Variants in ULK4 observed in about 807,000 individuals in gnomAD.
The protein encoded by ULK4 is inactive serine/threonine-protein kinase ULK4.
In ULK4, 133 loss-of-function variants were observed where a neutral mutation model predicts 160.6. That is an observed-to-expected ratio of 0.83 (90% confidence interval 0.72 to 0.96). The LOEUF is 0.96. Among genes scored for constraint, ULK4 ranks in the 40% least tolerant of loss-of-function variants. ULK4 has a pLI of 0.00. For missense variants in ULK4, 1,580 were observed against 1,499.5 expected (o/e 1.05, Z -0.89); for synonymous variants, 534 against 539.8 (o/e 0.99, Z 0.15).
chr3:41,713,059 G>A (rs2037157590), intron 25 of ULK4, among the ~76,000 whole-genome samples: 1 of 150,514 alleles, frequency 6.6e-6, no homozygotes, highest in South Asian at 2.1e-4. Context: ...TCATAACTAT[G>A]CATCCCCACC....
intron 25 of ULK4, among the ~76,000 whole-genome samples, chr3:41,710,134 A>G (rs963261527): frequency 2.0e-5 from 3 of 152,144 alleles, no homozygotes; most frequent in Non-Finnish European, 4.4e-5. Context: ...GCTTGTCTAA[A>G]TGCTGAAATT....
At chr3:41,884,763 C>T (rs760828707) in intron 16 of ULK4, among the ~76,000 whole-genome samples, 4 of 152,140 alleles carry the variant, frequency 2.6e-5, no homozygotes, top group Non-Finnish European at 5.9e-5. Context: ...AAAATGTCTG[C>T]GTTATCACAA....
intron 31 of ULK4, among the ~76,000 whole-genome samples, chr3:41,606,787 CT>C (rs759372707): frequency 6.6e-6 from 1 of 152,012 alleles, no homozygotes; most frequent in Non-Finnish European, 1.5e-5. Context: ...TATTCAGAGC[CT>C]TTGCCCATTT....
At chr3:41,676,669 T>G (rs2035727477) in intron 29 of ULK4, among the ~76,000 whole-genome samples, 1 of 152,178 alleles carries the variant, frequency 6.6e-6, no homozygotes, top group Non-Finnish European at 1.5e-5. Context: ...TATCCCTATC[T>G]TGGTTATTAA....
Position 41,831,035 on chromosome 3 carries a change from G to A in ULK4, c.1764+4829C>T, listed in dbSNP as rs9816560. 6.1e-5 allele frequency among the ~76,000 whole-genome samples: 6 copies of A among 97,946 alleles called. No homozygotes were observed. In the East Asian group the frequency reaches 1.7e-3, roughly 27 times the overall value. The allele number at this position is 97,946 out of a possible 152,430, so 64.3% of individuals were successfully genotyped here. On this transcript the variant is annotated intron_variant, in intron 18 of 36. Transcript: ENST00000301831. ...TTTTTTATTTATTTATTTATTTATT[G>A]ATTTATTTATTAGACAGGGTGTTGC...
chr3:41,816,646 C>G (rs1345601117), intron 19 of ULK4, among the ~76,000 whole-genome samples: 4 of 152,074 alleles, frequency 2.6e-5, no homozygotes, highest in African/African-American at 2.4e-5. Context: ...GAAACTCTGT[C>G]TCTACAAATA....
chr3:41,398,213 TAGAC>T lies in ULK4; in HGVS notation c.3540_3543del (p.Ser1181TyrfsTer26), dbSNP rs777389427. 6.8e-6 allele frequency: 11 copies of T among 1,612,778 alleles called. No homozygotes were observed. In the African/African-American group the frequency reaches 1.3e-4, roughly 20 times the overall value. ...TCCCCTCCATACAGCTGAACCAGTA[TAGAC>T]AGGCACTTGGATGAAACATCAAAAA... On this transcript the variant is annotated frameshift_variant, in exon 35 of 37. Transcript: ENST00000301831. LOFTEE classifies it high-confidence loss of function.
At chr3:41,633,206 C>T (rs1389775599) in intron 30 of ULK4, among the ~76,000 whole-genome samples, 1 of 152,218 alleles carries the variant, frequency 6.6e-6, no homozygotes, top group African/African-American at 2.4e-5. Context: ...TGGCAAACTA[C>T]AGCCCACAGG....
At chr3:41,594,740 G>A (rs1277249568) in intron 31 of ULK4, among the ~76,000 whole-genome samples, 2 of 152,142 alleles carry the variant, frequency 1.3e-5, no homozygotes, top group Non-Finnish European at 2.9e-5. Context: ...ATTTCCATTT[G>A]TAAGAAAATC....
At position 41,748,284 on chromosome 3, in the gene ULK4, T is replaced by A. The variant is rs148973049; in HGVS notation, c.2321+6077A>T. Among the ~76,000 whole-genome samples the A allele has an allele frequency of 2.1e-3, 311 of 150,914 alleles. 1 individual carries two copies. The highest frequency in any genetic ancestry group is 6.9e-3 in the Middle Eastern group (2 of 288). On this transcript the variant is annotated intron_variant, in intron 22 of 36. Coordinates refer to ENST00000301831, the MANE Select transcript of ULK4 (RefSeq NM_017886.4). Reference sequence around the variant, plus strand: ...ATATATATACACACACGATATATATTATATATATACACACACACAGACACG... The same window carrying A: ...ATATATATACACACACGATATATATAATATATATACACACACACAGACACG...
intron 18 of ULK4, among the ~76,000 whole-genome samples, chr3:41,832,505 T>C (rs2041625983): frequency 6.6e-6 from 1 of 152,242 alleles, no homozygotes; most frequent in Admixed American, 6.5e-5. Flanking sequence ...TTTACTCTGA[T>C]GCTAGTTTAT....
intron 32 of ULK4, among the ~76,000 whole-genome samples, chr3:41,544,135 T>C (rs1345242790): frequency 6.6e-6 from 1 of 152,198 alleles, no homozygotes; most frequent in Non-Finnish European, 1.5e-5. Flanking sequence ...ACATCTTGGA[T>C]GATATAATGT....
In ULK4 at chr3:41,864,346, CTGTTTTGTTT is replaced by C. The variant is rs10535539; in HGVS notation, c.1656+19518_1656+19527del. 5.6e-3 allele frequency among the ~76,000 whole-genome samples: 844 copies of C among 149,800 alleles called. 3 individuals carry two copies. The highest frequency in any genetic ancestry group is 9.7e-3 in the African/African-American group (393 of 40,616). ...AGGGAGTGGTGTTGGCAATTCAGAA[CTGTTTTGTTT>C]TGTTTTGTTTTGTTTTGTTTTGTTT... On this transcript the variant is annotated intron_variant, in intron 17 of 36. Transcript: ENST00000301831.
rs1238014242 is a variant in ULK4, at chr3:41,442,146, A to G, written c.3492+13351T>C. Among the ~76,000 whole-genome samples the G allele has an allele frequency of 5.3e-5, 8 of 152,324 alleles. No homozygotes were observed. In the East Asian group the frequency reaches 1.5e-3, roughly 29 times the overall value. On this transcript the variant is annotated intron_variant, in intron 34 of 36. Coordinates refer to ENST00000301831, the MANE Select transcript of ULK4 (RefSeq NM_017886.4). The stretch of plus-strand genomic sequence containing the variant: ...GGGGAAAAATGGAAAAAAGGCCCCA[A>G]AGTGGACTGTTAGCTGATGGGAAAG...
rs201881498 is a variant in ULK4, at chr3:41,249,574, T to A, written c.3679A>T (p.Ile1227Phe). The change falls in exon 36 of 37, where the codon ATC (isoleucine) becomes TTC (phenylalanine). Residue 1227 changes from isoleucine to phenylalanine, a missense_variant and splice_region_variant. By Grantham distance (21) the Ile-to-Phe change is conservative (BLOSUM62 0). Coordinates refer to ENST00000301831, the MANE Select transcript of ULK4 (RefSeq NM_017886.4). ...KLLLRILRRM[I>F]TSNEKHLESL... ...TCCAAGTGCTTCTCATTGGAGGTGATCTGCAAGGGCAGGAGGAAGAAGACA... is the reference window on the plus strand; with the variant it reads ...TCCAAGTGCTTCTCATTGGAGGTGAACTGCAAGGGCAGGAGGAAGAAGACA... 30 of 1,613,562 alleles carry A rather than the reference T, an allele frequency of 1.9e-5. No individual in the cohort carries two copies. The African/African-American group carries it at 3.7e-4, about 20-fold the overall frequency.
At chr3:41,614,380 C>T (rs1575484679) in intron 31 of ULK4, among the ~76,000 whole-genome samples, 1 of 152,208 alleles carries the variant, frequency 6.6e-6, no homozygotes, top group East Asian at 1.9e-4. Context: ...TTTGCTAGAC[C>T]ACTGTCCTCC....
intron 27 of ULK4, among the ~76,000 whole-genome samples, chr3:41,690,916 G>C (rs951889826): frequency 2.0e-5 from 3 of 151,774 alleles, no homozygotes; most frequent in African/African-American, 4.8e-5. Flanking sequence ...AGCAGGGCAG[G>C]AGAGGGCACC....
At chr3:41,916,446 T>C (rs915750587) in intron 7 of ULK4, among the ~76,000 whole-genome samples, 13 of 152,142 alleles carry the variant, frequency 8.5e-5, no homozygotes, top group Admixed American at 1.3e-4. Flanking sequence ...TGGAGTGCAG[T>C]GGCACCATCA....
At chr3:41,686,511 T>C (rs1481619760) in intron 27 of ULK4, among the ~76,000 whole-genome samples, 1 of 152,138 alleles carries the variant, frequency 6.6e-6, no homozygotes, top group African/African-American at 2.4e-5. Flanking sequence ...ATATTTAGAG[T>C]AACTTACTTT....
Sources: allele counts gnomAD v4.1 joint callset (sites outside exome capture counted in the v4.1 genomes callset), GRCh38; gene constraint gnomAD v4.1.1; transcripts MANE v1.5; gene names NCBI Gene and HGNC (gene_info 2026-07-23, HGNC 2026-07-21).